Variants in R3HDM4 observed in about 807,000 individuals in gnomAD.
The protein encoded by R3HDM4 is R3H domain-containing protein 4.
In R3HDM4, 30 loss-of-function variants were observed where a neutral mutation model predicts 31.3. The ratio of observed to expected loss-of-function variants is 0.96; its 90% CI spans 0.72 to 1.30. The LOEUF is 1.30. Ranked by LOEUF, R3HDM4 falls within the 50% of genes most tolerant of loss-of-function variation. R3HDM4 has a pLI of 0.00. For synonymous variants in R3HDM4, 196 were observed against 156.6 expected, an observed-to-expected ratio of 1.25 and a Z score of -1.88; for missense variants, 444 against 366.1, an observed-to-expected ratio of 1.21 and a Z score of -1.74.
At chr19:905,287 G>A (rs1298514333) in intron 1 of R3HDM4, among the ~76,000 whole-genome samples, 4 of 151,478 alleles carry the variant, frequency 2.6e-5, no homozygotes, top group African/African-American at 4.9e-5. Flanking sequence ...TCCTGAGGTC[G>A]GGAGTTCGAG....
intron 1 of R3HDM4, among the ~76,000 whole-genome samples, chr19:908,194 A>G (rs2036929654): frequency 6.6e-6 from 1 of 151,894 alleles, no homozygotes. Context: ...TCTGTCTCCC[A>G]AAAAAACAAA....
At chr19:900,311 A>C (rs1244729197) in intron 4 of R3HDM4, among the ~76,000 whole-genome samples, 165 bp from the exon 5 acceptor site, 4 of 151,114 alleles carry the variant, frequency 2.6e-5, no homozygotes. Flanking sequence ...CAGCCAGCAG[A>C]CCCTACCCCC....
At chr19:904,340 C>T (rs1486359172) in intron 1 of R3HDM4, among the ~76,000 whole-genome samples, 2 of 152,186 alleles carry the variant, frequency 1.3e-5, no homozygotes, top group Admixed American at 6.5e-5. Flanking sequence ...AGCCAAGCCT[C>T]GTTCACAGGA....
At chr19:911,721 A>C (rs1251397299) in intron 1 of R3HDM4, among the ~76,000 whole-genome samples, 1 of 151,822 alleles carries the variant, frequency 6.6e-6, no homozygotes, top group African/African-American at 2.4e-5. Flanking sequence ...CCAGGGGCGC[A>C]CCCTGGGTCC....
At chr19:903,774 G>A (rs2036868280) in intron 1 of R3HDM4, among the ~76,000 whole-genome samples, 1 of 151,902 alleles carries the variant, frequency 6.6e-6, no homozygotes, top group African/African-American at 2.4e-5. Flanking sequence ...AAACAGGACG[G>A]GCGCGGTGGC....
intron 1 of R3HDM4, among the ~76,000 whole-genome samples, chr19:905,957 G>A (rs1284886454): frequency 6.6e-6 from 1 of 152,166 alleles, no homozygotes; most frequent in Non-Finnish European, 1.5e-5. Context: ...CCAGGCTGCG[G>A]CGTTAGCAGG....
At chr19:904,971 C>A (rs1396503998) in intron 1 of R3HDM4, among the ~76,000 whole-genome samples, 1 of 152,026 alleles carries the variant, frequency 6.6e-6, no homozygotes, top group Non-Finnish European at 1.5e-5. Flanking sequence ...CTTTGGGAGG[C>A]CAAGGTAGGT....
At position 896,539 on chromosome 19, in the gene R3HDM4, C is replaced by T. The variant is rs915416312; in HGVS notation, c.*898G>A. On this transcript the variant is annotated 3_prime_UTR_variant, in exon 8 of 8. Transcript: ENST00000361574. The surrounding 1 kb of genome is among the most constrained non-coding windows in gnomAD (Gnocchi z 4.0). ...AGAAATTTATTAAATTCCCCACTTT[C>T]CCCCAAAACACAATTACCCACACGC... 2.6e-5 allele frequency: 4 copies of T among 152,682 alleles called. No homozygotes were observed. Among genetic ancestry groups the T allele is most frequent in the Non-Finnish European group, 1.5e-5 (1 of 68,100 alleles). The allele number at this position is 152,682 out of a possible 1,614,324, so 9.5% of individuals were successfully genotyped here.
intron 1 of R3HDM4, 133 bp from the exon 2 acceptor site, chr19:902,263 G>T: frequency 1.1e-6 from 1 of 919,502 alleles, no homozygotes; most frequent in Admixed American, 2.7e-5. Context: ...GTGAAGTCCT[G>T]GGCCCTTAAA....
intron 1 of R3HDM4, 22 bp from the exon 2 acceptor site, chr19:902,152 G>A (rs1205913876): frequency 1.2e-6 from 2 of 1,610,152 alleles, no homozygotes; most frequent in Non-Finnish European, 1.7e-6. Context: ...GGCAGGGGTG[G>A]TCCTCAGGGT....
At chr19:904,123 C>G (rs368468576) in intron 1 of R3HDM4, among the ~76,000 whole-genome samples, 12 of 152,184 alleles carry the variant, frequency 7.9e-5, no homozygotes, top group East Asian at 7.7e-4. Context: ...CAGGGCTGAC[C>G]ATGGCCTCCA....
At chr19:912,998 A>AGGAGG (rs142339862) in intron 1 of R3HDM4, 89 bp downstream of exon 1, 36,066 of 339,828 alleles carry the variant, frequency 0.11, 2,483 homozygotes, top group African/African-American at 0.2. Context: ...GGGAAGGGAA[A>AGGAGG]GGAGGGGAGG....
chr19:911,132 C>CAAAT (rs920792477), intron 1 of R3HDM4, among the ~76,000 whole-genome samples: 5 of 144,304 alleles, frequency 3.5e-5, no homozygotes, highest in African/African-American at 7.7e-5. Flanking sequence ...AAAAAATAAA[C>CAAAT]AAATAAATAA....
rs181619345 is a variant in R3HDM4 at position 899,968 on chromosome 19, G to A, written c.561+93C>T. On this transcript the variant is annotated intron_variant, in intron 5 of 7. Coordinates refer to ENST00000361574, the MANE Select transcript of R3HDM4 (RefSeq NM_138774.4). The surrounding 1 kb of genome is among the most constrained non-coding windows in gnomAD (Gnocchi z 6.8). ...TATCCTGCCCTGTTTCCCCTGACAC[G>A]ACCTGCACCGGGTGAGAACCTGTGC... 132 of 1,310,702 alleles carry A rather than the reference G, an allele frequency of 1.0e-4. No individual in the cohort carries two copies. The East Asian group carries it at 1.7e-3, about 16-fold the overall frequency. The allele number at this position is 1,310,702 out of a possible 1,614,324, so 81.2% of individuals were successfully genotyped here. A position where few individuals can be genotyped will look rare whatever the true frequency, so the allele number is the denominator to read the frequency against.
intron 1 of R3HDM4, among the ~76,000 whole-genome samples, chr19:911,645 C>G (rs1163764817): frequency 6.6e-6 from 1 of 152,176 alleles, no homozygotes; most frequent in East Asian, 1.9e-4. Flanking sequence ...CAGGTGGCGC[C>G]GTCCGCACAC....
At chr19:898,777 C>A (rs1402305025) in intron 7 of R3HDM4, among the ~76,000 whole-genome samples, 1 of 152,148 alleles carries the variant, frequency 6.6e-6, no homozygotes, top group Non-Finnish European at 1.5e-5. Flanking sequence ...AGCCCCGCAC[C>A]CCCAGCCAAG....
chr19:908,237 C>T (rs938645546), intron 1 of R3HDM4, among the ~76,000 whole-genome samples: 3 of 151,918 alleles, frequency 2.0e-5, no homozygotes, highest in Non-Finnish European at 4.4e-5. Context: ...CATCTGGCCT[C>T]TGGGGTAGAC....
intron 1 of R3HDM4, among the ~76,000 whole-genome samples, chr19:908,634 TA>T (rs960061321): frequency 6.6e-6 from 1 of 151,512 alleles, no homozygotes; most frequent in African/African-American, 2.4e-5. Context: ...AAATAAAAAA[TA>T]AAAAAATCCC....
At position 897,533 on chromosome 19, in the gene R3HDM4, G is replaced by C. The variant is rs377022733; in HGVS notation, c.711C>G (p.Asp237Glu). Residue 237 changes from aspartate to glutamate, a missense_variant, in exon 8 of 8, where the codon GAC (aspartate) becomes GAG (glutamate). Transcript: ENST00000361574. Reference sequence around the variant, plus strand: ...CCTTCATCTGCCGCTTCCCCTCCAGGTCAGCACCTGCAGACGGGACCAGCG... The same window carrying C: ...CCTTCATCTGCCGCTTCCCCTCCAGCTCAGCACCTGCAGACGGGACCAGCG... The part of the protein sequence containing the change: ...QYMDLISASA[D>E]LEGKRQMKVS... 6.2e-7 allele frequency: 1 copy of C among 1,611,102 alleles called. No individual in the cohort carries two copies. Among genetic ancestry groups the C allele is most frequent in the Non-Finnish European group, 8.5e-7 (1 of 1,178,842 alleles).
Sources: allele counts gnomAD v4.1 joint callset (sites outside exome capture counted in the v4.1 genomes callset), GRCh38; gene constraint gnomAD v4.1.1; non-coding constraint Gnocchi (gnomAD v3.1); transcripts MANE v1.5; gene names NCBI Gene and HGNC (gene_info 2026-07-23, HGNC 2026-07-21).